Variants in PTPRD observed in about 807,000 individuals in gnomAD.
PTPRD encodes the protein receptor-type tyrosine-protein phosphatase delta.
PTPRD carries 34 observed loss-of-function variants against 214.5 expected under a neutral mutation model. That is an observed-to-expected ratio of 0.16 (90% CI 0.12 to 0.21). PTPRD has a LOEUF of 0.21. PTPRD is among the 10% of genes least tolerant of loss of function. PTPRD has a pLI of 1.00. For synonymous variants in PTPRD, 1,128 were observed against 845.7 expected, an observed-to-expected ratio of 1.33 and a Z score of -5.79; for missense variants, 2,545 against 2,398.7, an observed-to-expected ratio of 1.06 and a Z score of -1.27.
chr9:9,312,854 A>G (rs1346407321), intron 9 of PTPRD, among the ~76,000 whole-genome samples: 1 of 152,234 alleles, frequency 6.6e-6, no homozygotes, highest in African/African-American at 2.4e-5. Context: ...CAAGCCTGCC[A>G]TACTTGTGAT....
intron 11 of PTPRD, chr9:8,858,099 T>C (rs1586734514): frequency 6.2e-6 from 1 of 162,196 alleles, no homozygotes; most frequent in Non-Finnish European, 1.3e-5. Context: ...CTCCCCCTCC[T>C]CCTCCTCCTC....
rs150678498 is a variant in PTPRD at position 9,265,521 on chromosome 9, A to G, written c.-202-82158T>C. On this transcript the variant is annotated intron_variant, in intron 9 of 45. Coordinates refer to ENST00000381196, the MANE Select transcript of PTPRD (RefSeq NM_002839.4). ...TGATCCCTCTATGTTGGCCTCCCAAAGCACTAGTATTAAACACATATGCAA... is the reference window on the plus strand; with the variant it reads ...TGATCCCTCTATGTTGGCCTCCCAAGGCACTAGTATTAAACACATATGCAA... 6.9e-3 allele frequency among the ~76,000 whole-genome samples: 1,054 copies of G among 151,680 alleles called. 6 individuals are homozygous for G. The highest frequency in any genetic ancestry group is 0.01 in the Non-Finnish European group (678 of 67,720).
At chr9:9,757,875 T>G (rs987982209) in intron 6 of PTPRD, among the ~76,000 whole-genome samples, 12 of 152,122 alleles carry the variant, frequency 7.9e-5, no homozygotes, top group African/African-American at 2.9e-4. Flanking sequence ...CTGCCATTAT[T>G]GACTTCACTT....
intron 2 of PTPRD, among the ~76,000 whole-genome samples, chr9:10,584,750 A>T (rs1415792503): frequency 6.6e-6 from 1 of 152,194 alleles, no homozygotes; most frequent in Non-Finnish European, 1.5e-5. Flanking sequence ...CAAAGAAGCG[A>T]TGTACAGTTG....
chr9:9,600,407 C>A (rs1255401809), intron 7 of PTPRD, among the ~76,000 whole-genome samples: 1 of 84,270 alleles, frequency 1.2e-5, no homozygotes, highest in African/African-American at 4.6e-5. Context: ...TGCATTCATT[C>A]ATTTCTTCAT....
At chr9:9,565,949 C>G (rs767320546) in intron 8 of PTPRD, among the ~76,000 whole-genome samples, 25 of 151,880 alleles carry the variant, frequency 1.6e-4, no homozygotes, top group Non-Finnish European at 3.4e-4. Context: ...CATTTTTTTA[C>G]TCTCTAACAG....
intron 11 of PTPRD, among the ~76,000 whole-genome samples, chr9:8,788,667 G>A (rs1202845879): frequency 6.6e-6 from 1 of 152,170 alleles, no homozygotes; most frequent in Non-Finnish European, 1.5e-5. Flanking sequence ...CATCTACACT[G>A]ATGACATTTC....
At chr9:8,875,037 T>C (rs150345612) in intron 11 of PTPRD, among the ~76,000 whole-genome samples, 7 of 152,298 alleles carry the variant, frequency 4.6e-5, no homozygotes, top group Admixed American at 1.3e-4. Context: ...GTCTTCAACC[T>C]GCACAACCAT....
intron 14 of PTPRD, among the ~76,000 whole-genome samples, chr9:8,583,952 G>T (rs568552685): frequency 1.3e-5 from 2 of 152,242 alleles, no homozygotes; most frequent in African/African-American, 2.4e-5. Flanking sequence ...AGGCGTTTGA[G>T]ATCAGCCTGG....
At chr9:9,675,247 G>A (rs2096906814) in intron 7 of PTPRD, among the ~76,000 whole-genome samples, 1 of 151,774 alleles carries the variant, frequency 6.6e-6, no homozygotes, top group Admixed American at 6.6e-5. Context: ...ATGATTTAAA[G>A]TTTTTGTTTG....
At chr9:8,375,902 G>C (rs2134786121) in intron 39 of PTPRD, 34 bp downstream of exon 39, 1 of 1,593,416 alleles carries the variant, frequency 6.3e-7, no homozygotes, top group Non-Finnish European at 8.5e-7. Context: ...TTAGCTTTCT[G>C]TTTCCTGACT....
chr9:8,703,917 G>C (rs115823017), intron 12 of PTPRD, among the ~76,000 whole-genome samples: 1 of 152,076 alleles, frequency 6.6e-6, no homozygotes, highest in Non-Finnish European at 1.5e-5. Flanking sequence ...ACCCTCCTCC[G>C]AGTGTTTCTT....
intron 11 of PTPRD, among the ~76,000 whole-genome samples, chr9:8,833,948 T>C (rs1160539266): frequency 7.8e-6 from 1 of 127,830 alleles, no homozygotes; most frequent in Non-Finnish European, 1.8e-5. Context: ...AGAAGTTACT[T>C]CAGATTTTTA....
chr9:9,039,981 A>AT (rs3046926), intron 10 of PTPRD, among the ~76,000 whole-genome samples: 46,543 of 149,232 alleles, frequency 0.31, 7,476 homozygotes, highest in East Asian at 0.53. Context: ...CTTCCTGTGC[A>AT]TTTTTTTTTT....
chr9:8,930,392 T>A (rs952370771), intron 11 of PTPRD, among the ~76,000 whole-genome samples: 1 of 152,158 alleles, frequency 6.6e-6, no homozygotes, highest in African/African-American at 2.4e-5. Flanking sequence ...TCCAAGTCTT[T>A]GCTATTGTGA....
chr9:9,303,415 T>C lies in PTPRD; in HGVS notation c.-203+94034A>G, dbSNP rs190341454. ...TTATTCAAGTAGATTACATGCATGT[T>C]ACATGTGTATTTTCTATGTTTCTCA... On this transcript the variant is annotated intron_variant, in intron 9 of 45. Coordinates refer to ENST00000381196, the MANE Select transcript of PTPRD (RefSeq NM_002839.4). Among the ~76,000 whole-genome samples, 219 of 152,190 alleles carry C rather than the reference T, an allele frequency of 1.4e-3. 2 individuals are homozygous for C. Among genetic ancestry groups the C allele is most frequent in the Non-Finnish European group, 9.4e-4 (64 of 67,956 alleles).
At chr9:9,421,029 C>A (rs1342662679) in intron 8 of PTPRD, among the ~76,000 whole-genome samples, 1 of 151,856 alleles carries the variant, frequency 6.6e-6, no homozygotes, top group African/African-American at 2.4e-5. Context: ...TACACAGCTT[C>A]TGCAAACACT....
chr9:10,157,229 T>C (rs1316962682), intron 3 of PTPRD, among the ~76,000 whole-genome samples: 3 of 152,188 alleles, frequency 2.0e-5, no homozygotes, highest in Admixed American at 6.5e-5. Flanking sequence ...TTATAGTCAG[T>C]GGTTTGTGTA....
intron 4 of PTPRD, among the ~76,000 whole-genome samples, chr9:10,025,919 C>G (rs771206344): frequency 3.4e-4 from 51 of 152,222 alleles, no homozygotes; most frequent in Non-Finnish European, 6.5e-4. Context: ...AAGATCCTAA[C>G]CAAAGGAAGA....
Sources: allele counts gnomAD v4.1 joint callset (sites outside exome capture counted in the v4.1 genomes callset), GRCh38; gene constraint gnomAD v4.1.1; transcripts MANE v1.5; gene names NCBI Gene and HGNC (gene_info 2026-07-23, HGNC 2026-07-21).